The following RAB18 variants were observed in gnomAD, a reference collection of about 807,000 sequenced individuals.
RAB18 encodes the protein ras-related protein Rab-18.
A neutral mutation model predicts 28.5 loss-of-function variants in RAB18; 10 were observed. The observed-to-expected ratio is 0.35, with a 90% CI of 0.22 to 0.60. The LOEUF (loss-of-function observed/expected upper bound fraction) is 0.60, where lower values mean the gene tolerates loss of function less well. RAB18 is among the 20% of genes least tolerant of loss of function. RAB18 has a pLI of 0.78. For synonymous variants in RAB18, 93 were observed against 86.9 expected, an observed-to-expected ratio of 1.07 and a Z score of -0.39; for missense variants, 188 against 244.2, an observed-to-expected ratio of 0.77 and a Z score of 1.53.
chr10:27,519,489 A>T (rs1320150138), intron 2 of RAB18, among the ~76,000 whole-genome samples: 2 of 152,120 alleles, frequency 1.3e-5, no homozygotes, highest in Non-Finnish European at 2.9e-5. Context: ...AATCCACAGG[A>T]ATACAAAATC....
chr10:27,514,886 C>T (rs1410056234), intron 2 of RAB18, among the ~76,000 whole-genome samples: 1 of 152,060 alleles, frequency 6.6e-6, no homozygotes, highest in African/African-American at 2.4e-5. Context: ...CTGCTTGAGC[C>T]TCCTGAACTG....
chr10:27,537,839 G>T, intron 6 of RAB18, 37 bp from the exon 7 acceptor site: 1 of 1,545,964 alleles, frequency 6.5e-7, no homozygotes, highest in South Asian at 1.1e-5. Flanking sequence ...GGCCAGAAAG[G>T]AATATACTAT....
chr10:27,528,575 A>G (rs2132400774), intron 3 of RAB18, among the ~76,000 whole-genome samples: 1 of 152,192 alleles, frequency 6.6e-6, no homozygotes, highest in South Asian at 2.1e-4. Flanking sequence ...ACCCCCACTC[A>G]TAGTATGTGC....
chr10:27,533,136 A>G (rs1834821766), intron 4 of RAB18, among the ~76,000 whole-genome samples: 1 of 151,954 alleles, frequency 6.6e-6, no homozygotes, highest in Non-Finnish European at 1.5e-5. Context: ...CTCTTTTTTT[A>G]AATATTATGG....
chr10:27,535,981 GC>G (rs1227952235), intron 6 of RAB18, among the ~76,000 whole-genome samples: 1 of 152,040 alleles, frequency 6.6e-6, no homozygotes, highest in African/African-American at 2.4e-5. Context: ...TACTTGGGAG[GC>G]TGAGGCAGGA....
At chr10:27,521,561 ACT>A (rs1424650818) in intron 2 of RAB18, among the ~76,000 whole-genome samples, 1 of 152,228 alleles carries the variant, frequency 6.6e-6, no homozygotes, top group Non-Finnish European at 1.5e-5. Flanking sequence ...ACTGGCTGGA[ACT>A]GGAGATCATT....
chr10:27,526,729 A>G, intron 2 of RAB18, 99 bp from the exon 3 acceptor site: 2 of 1,465,170 alleles, frequency 1.4e-6, no homozygotes, highest in Non-Finnish European at 9.5e-7. Flanking sequence ...TGAATTGGGC[A>G]TTTGATAATA....
intron 3 of RAB18, 159 bp downstream of exon 3, chr10:27,527,048 A>T (rs183422604): frequency 2.1e-5 from 17 of 826,240 alleles, no homozygotes; most frequent in East Asian, 1.3e-4. Context: ...GTAATGTCTT[A>T]TAATTGGGTA....
chr10:27,537,830 G>A (rs368842135), intron 6 of RAB18, 46 bp from the exon 7 acceptor site: 52 of 1,510,734 alleles, frequency 3.4e-5, no homozygotes, highest in Middle Eastern at 3.4e-4. Context: ...TGAGAATATG[G>A]CCAGAAAGGA....
chr10:27,517,722 A>G (rs1834466317), intron 2 of RAB18, among the ~76,000 whole-genome samples: 1 of 152,198 alleles, frequency 6.6e-6, no homozygotes, highest in Admixed American at 6.5e-5. Flanking sequence ...TTTTTTTGGT[A>G]TACAGTTTGA....
chr10:27,541,139 CCT>C lies in RAB18; in HGVS notation c.*3089_*3090del, dbSNP rs1835017813. 2.2e-6 allele frequency: 1 copy of C among 453,832 alleles called. No homozygotes were observed. The highest frequency in any genetic ancestry group is 2.0e-5 in the African/African-American group (1 of 49,956). The allele number at this position is 453,832 out of a possible 1,614,324, so 28.1% of individuals were successfully genotyped here. On this transcript the variant is annotated 3_prime_UTR_variant, in exon 7 of 7. Coordinates refer to ENST00000356940, the MANE Select transcript of RAB18 (RefSeq NM_021252.5). Reference sequence around the variant, plus strand: ...ATACTTAGGAAGTTATTTTGTCTTTCCTGTATTTCCCTAGTTAAGTATAGGGG... The same window carrying C: ...ATACTTAGGAAGTTATTTTGTCTTTCGTATTTCCCTAGTTAAGTATAGGGG...
chr10:27,524,261 C>T (rs1352845547), intron 2 of RAB18, among the ~76,000 whole-genome samples: 3 of 152,044 alleles, frequency 2.0e-5, no homozygotes, highest in Non-Finnish European at 4.4e-5. Flanking sequence ...CTGTTTGATC[C>T]TTTTTTATGT....
rs886046972 is a variant in RAB18, at chr10:27,539,731, A to G, written c.*1680A>G. The G allele has an allele frequency of 4.4e-6, 2 of 451,788 alleles. No individual in the cohort carries two copies. Among genetic ancestry groups the G allele is most frequent in the Non-Finnish European group, 4.4e-6 (1 of 226,196 alleles). 28.0% of individuals were successfully genotyped at this position (451,788 alleles called of 1,614,324 possible). Reference sequence around the variant, plus strand: ...CTTGATTTGGTCTAAATTTGAATATATATGAGTTACTTGAATATAACAAAA... The same window carrying G: ...CTTGATTTGGTCTAAATTTGAATATGTATGAGTTACTTGAATATAACAAAA... On this transcript the variant is annotated 3_prime_UTR_variant, in exon 7 of 7. Coordinates refer to ENST00000356940, the MANE Select transcript of RAB18 (RefSeq NM_021252.5).
At position 27,540,424 on chromosome 10, in the gene RAB18, T is replaced by G. The variant is rs1261375123; in HGVS notation, c.*2373T>G. The G allele has an allele frequency of 4.4e-6, 2 of 454,098 alleles. No individual in the cohort carries two copies. The highest frequency in any genetic ancestry group is 1.4e-4 in the East Asian group (2 of 14,386). The allele number at this position is 454,098 out of a possible 1,614,324, so 28.1% of individuals were successfully genotyped here. On this transcript the variant is annotated 3_prime_UTR_variant, in exon 7 of 7. Coordinates refer to ENST00000356940, the MANE Select transcript of RAB18 (RefSeq NM_021252.5). ...CGCTCATTTTACAATGGGTAGTTAG[T>G]TACCAGCTTTTTGTAACACAACCAA...
chr10:27,534,792 C>G (rs1471503410), intron 6 of RAB18, among the ~76,000 whole-genome samples: 1 of 152,164 alleles, frequency 6.6e-6, no homozygotes, highest in African/African-American at 2.4e-5. Context: ...TAGAAGCTAC[C>G]AGGAATCTGC....
At position 27,540,466 on chromosome 10, in the gene RAB18, T is replaced by G. The variant is rs1303804154; in HGVS notation, c.*2415T>G. 1 of 454,118 alleles carries G rather than the reference T, an allele frequency of 2.2e-6. No homozygotes were observed. Among genetic ancestry groups the G allele is most frequent in the Non-Finnish European group, 4.4e-6 (1 of 226,780 alleles). The allele number at this position is 454,118 out of a possible 1,614,324, so 28.1% of individuals were successfully genotyped here. A position where few individuals can be genotyped will look rare whatever the true frequency, so the allele number is the denominator to read the frequency against. ...CACAACCAAGTTAAGGCAGTTCCAC[T>G]ATTTCTTTATCACTCTTTTGTTATA... On this transcript the variant is annotated 3_prime_UTR_variant, in exon 7 of 7. Coordinates refer to ENST00000356940, the MANE Select transcript of RAB18 (RefSeq NM_021252.5).
chr10:27,526,716 G>T (rs772216806), intron 2 of RAB18, 112 bp from the exon 3 acceptor site: 4 of 1,246,142 alleles, frequency 3.2e-6, no homozygotes, highest in African/African-American at 1.5e-5. Flanking sequence ...AGAAGTTGGG[G>T]TGTGAATTGG....
intron 2 of RAB18, among the ~76,000 whole-genome samples, chr10:27,520,783 G>C (rs1269258322): frequency 6.6e-6 from 1 of 151,584 alleles, no homozygotes; most frequent in Non-Finnish European, 1.5e-5. Flanking sequence ...CAGGCATAGT[G>C]GCGGGCACCT....
chr10:27,535,718 A>T (rs2132411717), intron 6 of RAB18, among the ~76,000 whole-genome samples: 1 of 152,256 alleles, frequency 6.6e-6, no homozygotes, highest in East Asian at 1.9e-4. Context: ...GTGGTAGAAA[A>T]TTGGCAGTTC....
Sources: allele counts gnomAD v4.1 joint callset (sites outside exome capture counted in the v4.1 genomes callset), GRCh38; gene constraint gnomAD v4.1.1; transcripts MANE v1.5; gene names NCBI Gene and HGNC (gene_info 2026-07-23, HGNC 2026-07-21).